ERBB4: variants seen among roughly 807,000 people sequenced by gnomAD.
The protein encoded by ERBB4 is erb-b2 receptor tyrosine kinase 4, also known as receptor tyrosine-protein kinase erbB-4.
A neutral mutation model predicts 158.0 loss-of-function variants in ERBB4; 42 were observed. The observed-to-expected ratio is 0.27, with a 90% CI of 0.21 to 0.34. The LOEUF is 0.34. Ranked by LOEUF, ERBB4 falls within the 10% of genes least tolerant of loss-of-function variation. The pLI, the probability that ERBB4 is intolerant of heterozygous loss-of-function variation, is 1.00. For synonymous variants in ERBB4, 583 were observed against 558.7 expected, an observed-to-expected ratio of 1.04 and a Z score of -0.61; for missense variants, 1,333 against 1,624.1, an observed-to-expected ratio of 0.82 and a Z score of 3.08.
At chr2:211,386,181 G>C (rs531529263) in intron 27 of ERBB4, among the ~76,000 whole-genome samples, 1 of 152,144 alleles carries the variant, frequency 6.6e-6, no homozygotes, top group South Asian at 2.1e-4. Context: ...AGGCTGTTTT[G>C]TTGCAAAATT....
intron 3 of ERBB4, among the ~76,000 whole-genome samples, chr2:211,915,917 AC>A (rs553761882): frequency 1.8e-4 from 27 of 152,028 alleles, no homozygotes; most frequent in Middle Eastern, 3.4e-3. Flanking sequence ...AAAAATATTA[AC>A]ATTAATTCTT....
At chr2:211,958,916 GGTGCCTTCTCTT>G (rs2081099700) in intron 2 of ERBB4, among the ~76,000 whole-genome samples, 1 of 91,100 alleles carries the variant, frequency 1.1e-5, no homozygotes, top group Non-Finnish European at 3.6e-5. Flanking sequence ...CATTCTCTTA[GGTGCCTTCTCTT>G]AGGTGCCTTC....
chr2:212,066,108 T>C (rs1324169335), intron 2 of ERBB4, among the ~76,000 whole-genome samples: 1 of 151,948 alleles, frequency 6.6e-6, no homozygotes, highest in Non-Finnish European at 1.5e-5. Flanking sequence ...GGGTTGAAAG[T>C]GGCCACTATT....
At position 211,548,266 on chromosome 2, in the gene ERBB4, T is replaced by C. The variant is rs577869850; in HGVS notation, c.2487+13637A>G. ...ATTCAACCAGGTGCTTTATCACCGA[T>C]TTGGGAGGTTGCAATGTTATTAGAC... On this transcript the variant is annotated intron_variant, in intron 20 of 27. Coordinates refer to ENST00000342788, the MANE Select transcript of ERBB4 (RefSeq NM_005235.3). Among the ~76,000 whole-genome samples the C allele has an allele frequency of 3.3e-5, 5 of 151,734 alleles. 1 individual carries two copies. In the South Asian group the frequency reaches 8.3e-4, roughly 25 times the overall value.
intron 1 of ERBB4, among the ~76,000 whole-genome samples, chr2:212,259,248 C>A (rs948523466): frequency 6.6e-6 from 1 of 152,096 alleles, no homozygotes; most frequent in Non-Finnish European, 1.5e-5. Flanking sequence ...TTTAAGAAAT[C>A]TATTAACCAA....
chr2:211,651,675 G>A (rs908065606), intron 16 of ERBB4, among the ~76,000 whole-genome samples: 1 of 150,680 alleles, frequency 6.6e-6, no homozygotes, highest in Non-Finnish European at 1.5e-5. Flanking sequence ...AAACACTGTT[G>A]CTGGGTTTTG....
At position 211,747,546 on chromosome 2, in the gene ERBB4, G is replaced by A. The variant is rs920752839; in HGVS notation, c.622+3093C>T. The stretch of plus-strand genomic sequence containing the variant: ...TGTCTGCTTGGCAATTATCCTGAAA[G>A]TGGTCTATTATAGAAATAAGAGATG... On this transcript the variant is annotated intron_variant, in intron 5 of 27. Coordinates refer to ENST00000342788, the MANE Select transcript of ERBB4 (RefSeq NM_005235.3). 5.3e-5 allele frequency among the ~76,000 whole-genome samples: 8 copies of A among 152,246 alleles called. No homozygotes were observed. The East Asian group carries it at 1.5e-3, about 29-fold the overall frequency.
At chr2:211,701,628 G>T (rs1441707134) in intron 12 of ERBB4, among the ~76,000 whole-genome samples, 3 of 151,522 alleles carry the variant, frequency 2.0e-5, no homozygotes, top group Non-Finnish European at 2.9e-5. Context: ...CGCGGCGGCG[G>T]GCGCCTGTAG....
rs1391196584 is a variant in ERBB4 at position 211,380,937 on chromosome 2, T to C, written c.*2678A>G. ...TAGCCCAGTAGAAACCATATGCATA[T>C]TGTAAATCAGAAAAAAAAAATCAAG... On this transcript the variant is annotated 3_prime_UTR_variant, in exon 28 of 28. Coordinates refer to ENST00000342788, the MANE Select transcript of ERBB4 (RefSeq NM_005235.3). 1 of 231,928 alleles carries C rather than the reference T, an allele frequency of 4.3e-6. No homozygotes were observed. Among genetic ancestry groups the C allele is most frequent in the Non-Finnish European group, 8.5e-6 (1 of 117,366 alleles). The allele number at this position is 231,928 out of a possible 1,614,324, so 14.4% of individuals were successfully genotyped here. A position where few individuals can be genotyped will look rare whatever the true frequency, so the allele number is the denominator to read the frequency against.
rs577757010 is a variant in ERBB4 at position 212,429,859 on chromosome 2, C to T, written c.82+108590G>A. The stretch of plus-strand genomic sequence containing the variant: ...TGTGGAAAGTAATTAAAATAAAATG[C>T]GAAAATACTTAAAACTATTCATAAT... On this transcript the variant is annotated intron_variant, in intron 1 of 27. Coordinates refer to ENST00000342788, the MANE Select transcript of ERBB4 (RefSeq NM_005235.3). Among the ~76,000 whole-genome samples the T allele has an allele frequency of 7.9e-5, 12 of 152,144 alleles. No individual in the cohort carries two copies. In the East Asian group the frequency reaches 1.4e-3, roughly 17 times the overall value.
chr2:212,132,298 A>G (rs1331316422), intron 1 of ERBB4, among the ~76,000 whole-genome samples: 1 of 152,210 alleles, frequency 6.6e-6, no homozygotes, highest in African/African-American at 2.4e-5. Flanking sequence ...TATGGGTGCT[A>G]TGCTGACAAG....
At chr2:212,484,184 C>A (rs1427242632) in intron 1 of ERBB4, among the ~76,000 whole-genome samples, 1 of 152,084 alleles carries the variant, frequency 6.6e-6, no homozygotes, top group African/African-American at 2.4e-5. Context: ...ACTTCTGGAC[C>A]ATCACTTGAA....
At chr2:211,948,841 T>C (rs2080786315) in intron 2 of ERBB4, among the ~76,000 whole-genome samples, 1 of 152,158 alleles carries the variant, frequency 6.6e-6, no homozygotes, top group East Asian at 1.9e-4. Flanking sequence ...GTTGGTGATC[T>C]CCAAACATTT....
intron 3 of ERBB4, among the ~76,000 whole-genome samples, chr2:211,855,225 C>T (rs537621154): frequency 6.6e-6 from 1 of 151,948 alleles, no homozygotes; most frequent in African/African-American, 2.4e-5. Flanking sequence ...TGTAGAATTC[C>T]TTTTTATATT....
chr2:212,020,529 T>C (rs2076625825), intron 2 of ERBB4, among the ~76,000 whole-genome samples: 1 of 152,140 alleles, frequency 6.6e-6, no homozygotes, highest in South Asian at 2.1e-4. Flanking sequence ...TCTATTGGTA[T>C]ATACGTTTGC....
intron 20 of ERBB4, among the ~76,000 whole-genome samples, chr2:211,456,712 G>T (rs1481919657): frequency 2.6e-5 from 4 of 152,014 alleles, no homozygotes; most frequent in Non-Finnish European, 5.9e-5. Context: ...ATAGTTTTGG[G>T]AAAAAACTGT....
chr2:211,852,906 T>C (rs938509493), intron 3 of ERBB4, among the ~76,000 whole-genome samples: 2 of 151,980 alleles, frequency 1.3e-5, no homozygotes, highest in Non-Finnish European at 2.9e-5. Flanking sequence ...AGGTATGCTC[T>C]ATTAGAAAAT....
Position 211,815,277 on chromosome 2 carries a change from A to C in ERBB4, c.422-27118T>G, listed in dbSNP as rs141312410. On this transcript the variant is annotated intron_variant, in intron 3 of 27. Transcript: ENST00000342788. ...TAGACATATAGTAAATTATAAAAAC[A>C]TAAAGTGTTATAGTTATTCAAAACA... Among the ~76,000 whole-genome samples, 472 of 152,336 alleles carry C rather than the reference A, an allele frequency of 3.1e-3. 3 individuals are homozygous for C. The highest frequency in any genetic ancestry group is 0.011 in the African/African-American group (447 of 41,582).
At chr2:211,873,866 AT>A (rs1322611825) in intron 3 of ERBB4, among the ~76,000 whole-genome samples, 19 of 151,516 alleles carry the variant, frequency 1.3e-4, no homozygotes, top group African/African-American at 3.9e-4. Context: ...CTTAAAAAAA[AT>A]AATAGATATA....
Sources: allele counts gnomAD v4.1 joint callset (sites outside exome capture counted in the v4.1 genomes callset), GRCh38; gene constraint gnomAD v4.1.1; transcripts MANE v1.5; gene names NCBI Gene and HGNC (gene_info 2026-07-23, HGNC 2026-07-21).